The following OSBPL3 variants were observed in gnomAD, a reference collection of about 807,000 sequenced individuals.
OSBPL3 encodes the protein oxysterol binding protein like 3.
Under a neutral mutation model 120.1 loss-of-function variants are expected in OSBPL3, and 65 were observed. That is an observed-to-expected ratio of 0.54 (90% CI 0.44 to 0.67). The LOEUF (loss-of-function observed/expected upper bound fraction) is 0.67. OSBPL3 is among the 30% of genes least tolerant of loss of function. OSBPL3 has a pLI of 0.00. For synonymous variants in OSBPL3, 416 were observed against 402.6 expected, an observed-to-expected ratio of 1.03 and a Z score of -0.40; for missense variants, 1,004 against 1,082.1, an observed-to-expected ratio of 0.93 and a Z score of 1.01.
At chr7:24,858,337 T>A (rs1800086314) in intron 10 of OSBPL3, among the ~76,000 whole-genome samples, 1 of 152,234 alleles carries the variant, frequency 6.6e-6, no homozygotes, top group Non-Finnish European at 1.5e-5. Context: ...CAATAGATAC[T>A]GTCAGTAACA....
At chr7:24,844,353 AAATATT>A (rs1165339206) in intron 12 of OSBPL3, among the ~76,000 whole-genome samples, 1 of 151,714 alleles carries the variant, frequency 6.6e-6, no homozygotes. Flanking sequence ...AACTTTGTTA[AAATATT>A]ATGAGATTTT....
intron 1 of OSBPL3, among the ~76,000 whole-genome samples, chr7:24,907,850 C>G (rs543952404): frequency 6.6e-6 from 1 of 152,166 alleles, no homozygotes; most frequent in African/African-American, 2.4e-5. Flanking sequence ...ATATCTCACT[C>G]GGGACTGCAT....
At position 24,805,994 on chromosome 7, in the gene OSBPL3, A is replaced by G. The variant is rs1028002267; in HGVS notation, c.2444+782T>C. 6.6e-6 allele frequency among the ~76,000 whole-genome samples: 1 copy of G among 152,070 alleles called. No individual in the cohort carries two copies. Among genetic ancestry groups the G allele is most frequent in the African/African-American group, 2.4e-5 (1 of 41,428 alleles). On this transcript the variant is annotated intron_variant, in intron 21 of 22. Coordinates refer to ENST00000313367, the MANE Select transcript of OSBPL3 (RefSeq NM_015550.4). The surrounding 1 kb of genome is among the most constrained non-coding windows in gnomAD (Gnocchi z 4.0). ...TGTGGGGGTGTGAGTTCTCACTGAG[A>G]CACTCAGGCTGGAGAGCAATGGCGT...
At chr7:24,897,320 C>CTTTTT (rs35715609) in intron 1 of OSBPL3, among the ~76,000 whole-genome samples, 14 of 102,288 alleles carry the variant, frequency 1.4e-4, no homozygotes, top group Non-Finnish European at 2.2e-4. Context: ...ATGGCAGAAT[C>CTTTTT]TTTTTTTTTT....
intron 1 of OSBPL3, among the ~76,000 whole-genome samples, chr7:24,928,199 T>G (rs1372149354): frequency 3.3e-5 from 5 of 150,340 alleles, no homozygotes; most frequent in African/African-American, 1.2e-4. Context: ...TTTTTGTTTT[T>G]TTTTTTTTTT....
At chr7:24,904,982 G>C (rs1333163682) in intron 1 of OSBPL3, among the ~76,000 whole-genome samples, 5 of 143,192 alleles carry the variant, frequency 3.5e-5, no homozygotes, top group African/African-American at 1.0e-4. Flanking sequence ...AGAGGAACTA[G>C]AACAGTGTAC....
rs532377753 is a variant in OSBPL3 at position 24,891,139 on chromosome 7, C to T, written c.96+1238G>A. On this transcript the variant is annotated intron_variant, in intron 2 of 22. Transcript: ENST00000313367. This position sits in a 1 kb window ranked among gnomAD's most constrained non-coding sequence, Gnocchi z 4.1. ...GGAAAGCTGACAAAGAGGACAAGCA[C>T]AGTGACCCTCATGAAAACAGAACTG... Among the ~76,000 whole-genome samples, 1 of 152,178 alleles carries T rather than the reference C, an allele frequency of 6.6e-6. No individual in the cohort carries two copies. The highest frequency in any genetic ancestry group is 6.5e-5 in the Admixed American group (1 of 15,284).
rs2128476127 is a variant in OSBPL3 at position 24,937,511 on chromosome 7, G to A, written c.-150+42375C>T. Among the ~76,000 whole-genome samples the A allele has an allele frequency of 6.6e-6, 1 of 152,210 alleles. No homozygotes were observed. Among genetic ancestry groups the A allele is most frequent in the African/African-American group, 2.4e-5 (1 of 41,534 alleles). On this transcript the variant is annotated intron_variant, in intron 1 of 22. Transcript: ENST00000313367. The surrounding 1 kb of genome is among the most constrained non-coding windows in gnomAD (Gnocchi z 4.0). Reference sequence around the variant, plus strand: ...TCTGCTTTATAGAATTTAATTTACTGAGTCCATTATAGTTATTTATCCATC... The same window carrying A: ...TCTGCTTTATAGAATTTAATTTACTAAGTCCATTATAGTTATTTATCCATC...
intron 1 of OSBPL3, among the ~76,000 whole-genome samples, chr7:24,923,315 T>A (rs1810631242): frequency 6.6e-6 from 1 of 151,956 alleles, no homozygotes; most frequent in Non-Finnish European, 1.5e-5. Flanking sequence ...TCAGGGTGAA[T>A]CAGCATCCAG....
intron 1 of OSBPL3, among the ~76,000 whole-genome samples, chr7:24,941,444 A>G (rs966290387): frequency 1.3e-5 from 2 of 152,156 alleles, no homozygotes; most frequent in Non-Finnish European, 2.9e-5. Flanking sequence ...CTACCTGACT[A>G]CAATATCTCC....
chr7:24,932,538 C>T lies in OSBPL3; in HGVS notation c.-149-39917G>A, dbSNP rs1811911373. On this transcript the variant is annotated intron_variant, in intron 1 of 22. Transcript: ENST00000313367. This position sits in a 1 kb window ranked among gnomAD's most constrained non-coding sequence, Gnocchi z 5.6. ...TTGGGAGGTGATTAGGTCATGAAGG[C>T]AGAGCCCTCATGAATGGGACTAGTG... 6.6e-6 allele frequency among the ~76,000 whole-genome samples: 1 copy of T among 152,108 alleles called. No homozygotes were observed. The highest frequency in any genetic ancestry group is 2.4e-5 in the African/African-American group (1 of 41,420).
At position 24,855,238 on chromosome 7, in the gene OSBPL3, G is replaced by A. The variant is rs977042247; in HGVS notation, c.1028-2604C>T. Among the ~76,000 whole-genome samples the A allele has an allele frequency of 1.3e-5, 2 of 152,046 alleles. No individual in the cohort carries two copies. The highest frequency in any genetic ancestry group is 2.9e-5 in the Non-Finnish European group (2 of 68,016). ...CATGGCCATCTCAGTGGGTCCCCTG[G>A]GGAGCTACCTCTCACTGTCTTGTTT... On this transcript the variant is annotated intron_variant, in intron 10 of 22. Transcript: ENST00000313367. The surrounding 1 kb of genome is among the most constrained non-coding windows in gnomAD (Gnocchi z 4.3).
chr7:24,801,025 G>A (rs1017715136), intron 22 of OSBPL3, among the ~76,000 whole-genome samples: 13 of 150,450 alleles, frequency 8.6e-5, no homozygotes, highest in Non-Finnish European at 1.8e-4. Flanking sequence ...GGCACATCAC[G>A]AGGTCAGGAG....
At chr7:24,910,573 G>A (rs1167759369) in intron 1 of OSBPL3, among the ~76,000 whole-genome samples, 1 of 152,242 alleles carries the variant, frequency 6.6e-6, no homozygotes, top group African/African-American at 2.4e-5. Context: ...GTCCACTGCT[G>A]TGCTAACCCT....
chr7:24,905,865 C>G (rs1458308393), intron 1 of OSBPL3, among the ~76,000 whole-genome samples: 1 of 152,160 alleles, frequency 6.6e-6, no homozygotes, highest in Non-Finnish European at 1.5e-5. Flanking sequence ...AACCCTGTCT[C>G]TACTAAAAAT....
At chr7:24,895,898 T>C (rs913855888) in intron 1 of OSBPL3, among the ~76,000 whole-genome samples, 13 of 152,220 alleles carry the variant, frequency 8.5e-5, no homozygotes, top group African/African-American at 2.4e-4. Flanking sequence ...TAAGTGCACA[T>C]ACAGAATGTT....
rs1441370670 is a variant in OSBPL3, at chr7:24,827,490, G to A, written c.1884+3278C>T. On this transcript the variant is annotated intron_variant, in intron 16 of 22. Coordinates refer to ENST00000313367, the MANE Select transcript of OSBPL3 (RefSeq NM_015550.4). The surrounding 1 kb of genome is among the most constrained non-coding windows in gnomAD (Gnocchi z 5.1). ...GCCTGGTGTACTGAATCACATAGCT[G>A]CATCTTCACACTGTATGCTCACTTA... is the stretch of plus-strand genomic sequence containing the variant. Among the ~76,000 whole-genome samples, 2 of 152,242 alleles carry A rather than the reference G, an allele frequency of 1.3e-5. No homozygotes were observed. The highest frequency in any genetic ancestry group is 2.4e-5 in the African/African-American group (1 of 41,466).
Position 24,831,039 on chromosome 7 carries a change from C to CA in OSBPL3, c.1747-135dup. 1.2e-6 allele frequency: 1 copy of CA among 850,522 alleles called. No homozygotes were observed. The highest frequency in any genetic ancestry group is 1.7e-6 in the Non-Finnish European group (1 of 584,082). The allele number at this position is 850,522 out of a possible 1,614,324, so 52.7% of individuals were successfully genotyped here. A position where few individuals can be genotyped will look rare whatever the true frequency, so the allele number is the denominator to read the frequency against. On this transcript the variant is annotated intron_variant, in intron 15 of 22. Transcript: ENST00000313367. The surrounding 1 kb of genome is among the most constrained non-coding windows in gnomAD (Gnocchi z 4.0). ...AGATTTGTCTTTGGTTGTTTTTAAACAACATAGGTTTAAAATTGTAGGTTT... is the reference window on the plus strand; with the variant it reads ...AGATTTGTCTTTGGTTGTTTTTAAACAAACATAGGTTTAAAATTGTAGGTTT...
At chr7:24,890,333 A>AAC (rs1469932764) in intron 2 of OSBPL3, among the ~76,000 whole-genome samples, 1 of 152,190 alleles carries the variant, frequency 6.6e-6, no homozygotes, top group South Asian at 2.1e-4. Context: ...CGTGACTGGA[A>AAC]ACACAGTGTC....
Sources: allele counts gnomAD v4.1 joint callset (sites outside exome capture counted in the v4.1 genomes callset), GRCh38; gene constraint gnomAD v4.1.1; non-coding constraint Gnocchi (gnomAD v3.1); transcripts MANE v1.5; gene names NCBI Gene and HGNC (gene_info 2026-07-23, HGNC 2026-07-21).